Variants in CA4 observed in about 807,000 individuals in gnomAD.
CA4 encodes CA-IV.
CA4 carries 24 observed loss-of-function variants against 34.5 expected under a neutral mutation model. The observed-to-expected ratio is 0.70, with a 90% confidence interval of 0.50 to 0.98. The LOEUF is 0.98. Among genes scored for constraint, CA4 ranks in the 50% least tolerant of loss-of-function variants. The pLI is 0.00. For synonymous variants in CA4, 178 were observed against 170.6 expected, an observed-to-expected ratio of 1.04 and a Z score of -0.34; for missense variants, 394 against 396.7, an observed-to-expected ratio of 0.99 and a Z score of 0.06.
chr17:60,160,195 CG>C (rs1567733709), downstream of CA4, among the ~76,000 whole-genome samples: 1 of 152,168 alleles, frequency 6.6e-6, no homozygotes, highest in African/African-American at 2.4e-5. Context: ...GACTGCATGA[CG>C]GCAGCCCCAG....
At chr17:60,178,489 A>T in the CA4 span, among the ~76,000 whole-genome samples, 1 of 152,178 alleles carries the variant, frequency 6.6e-6, no homozygotes, top group Admixed American at 6.5e-5. Flanking sequence ...TAAATGTAAG[A>T]TGCCTCCACT....
At chr17:60,167,101 G>T (rs1031166846) in intron 5 of CA4, among the ~76,000 whole-genome samples, 1 of 152,198 alleles carries the variant, frequency 6.6e-6, no homozygotes, top group Non-Finnish European at 1.5e-5. Context: ...CTTGTCCCTT[G>T]CCAGCGAATG....
intron 5 of CA4, among the ~76,000 whole-genome samples, chr17:60,169,459 A>G (rs1449174613): frequency 6.6e-6 from 1 of 152,028 alleles, no homozygotes; most frequent in African/African-American, 2.4e-5. Flanking sequence ...CCAAGGGGGT[A>G]CCATCTGGGT....
chr17:60,174,720 A>C (rs1355865151), downstream of CA4, among the ~76,000 whole-genome samples: 1 of 152,186 alleles, frequency 6.6e-6, no homozygotes, highest in African/African-American at 2.4e-5. Flanking sequence ...AATACTAAGG[A>C]AGCCGTTGGT....
Position 60,159,301 on chromosome 17 carries a change from C to G in CA4, c.816C>G (p.Pro272=), listed in dbSNP as rs753677966. ...TGAGCATGAAGGACAATGTCAGGCCCCTGCAGCAGCTGGGGCAGCGCACGG... is the reference window on the plus strand; with the variant it reads ...TGAGCATGAAGGACAATGTCAGGCCGCTGCAGCAGCTGGGGCAGCGCACGG... ...QTVSMKDNVR[P]LQQLGQRTVI... The change falls in exon 8 of 8, where the codon CCC becomes CCG. Residue 272 remains proline (P), a synonymous_variant. Transcript: ENST00000300900. 12 of 1,610,204 alleles carry G rather than the reference C, an allele frequency of 7.5e-6. No homozygotes were observed. The African/African-American group carries it at 1.5e-4, about 20-fold the overall frequency.
chr17:60,164,866 CG>C, intron 5 of CA4, among the ~76,000 whole-genome samples: 1 of 152,184 alleles, frequency 6.6e-6, no homozygotes. Flanking sequence ...CAGAAACATC[CG>C]GGCATGCAGC....
downstream of CA4, among the ~76,000 whole-genome samples, chr17:60,162,258 C>G (rs1258505954): frequency 6.6e-6 from 1 of 152,204 alleles, no homozygotes; most frequent in Non-Finnish European, 1.5e-5. Flanking sequence ...GCCCCCACCT[C>G]CCGAGGCCGC....
intron 2 of CA4, among the ~76,000 whole-genome samples, chr17:60,156,062 C>T (rs927659198): frequency 6.6e-6 from 1 of 152,178 alleles, no homozygotes; most frequent in Non-Finnish European, 1.5e-5. Context: ...AGGGTTACTC[C>T]TCTCCCTCCC....
chr17:60,174,383 T>C (rs575373012), downstream of CA4, among the ~76,000 whole-genome samples: 1 of 150,406 alleles, frequency 6.6e-6, no homozygotes, highest in East Asian at 1.9e-4. Context: ...TATCTGGGTT[T>C]CTGGCTTCTC....
Position 60,157,515 on chromosome 17 carries a change from C to T in CA4, c.357C>T (p.Ser119=), listed in dbSNP as rs765898059. ...CCAAACAGTTGCACCTGCACTGGTC[C>T]GACTTGCCATATAAGGGCTCGGAGC... The part of the protein sequence containing the change: ...YQAKQLHLHW[S]DLPYKGSEHS... Residue 119 remains serine (S), a synonymous_variant, in exon 4 of 8, where the codon TCC becomes TCT. Coordinates refer to ENST00000300900, the MANE Select transcript of CA4 (RefSeq NM_000717.5). The T allele has an allele frequency of 4.0e-5, 64 of 1,614,172 alleles. No individual in the cohort carries two copies. The East Asian group carries it at 1.0e-3, about 26-fold the overall frequency.
downstream of CA4, among the ~76,000 whole-genome samples, chr17:60,160,763 AAAG>A (rs2083778454): frequency 1.3e-5 from 2 of 151,072 alleles, no homozygotes; most frequent in African/African-American, 4.8e-5. Flanking sequence ...AAAAAAAAAA[AAAG>A]AGAGAATTCA....
chr17:60,156,364 TGGA>T (rs1003331499), intron 2 of CA4, among the ~76,000 whole-genome samples, 193 bp from the exon 3 acceptor site: 12 of 151,914 alleles, frequency 7.9e-5, no homozygotes, highest in South Asian at 4.2e-4. Context: ...TATGTTTCTG[TGGA>T]GGAGGAGGAG....
chr17:60,155,253 CTG>C lies in CA4; in HGVS notation c.59-52_59-51del, dbSNP rs1167784864. The C allele has an allele frequency of 1.3e-5, 19 of 1,497,490 alleles. No individual in the cohort carries two copies. In the African/African-American group the frequency reaches 2.2e-4, roughly 17 times the overall value. The allele number at this position is 1,497,490 out of a possible 1,614,324, so 92.8% of individuals were successfully genotyped here. A position where few individuals can be genotyped will look rare whatever the true frequency, so the allele number is the denominator to read the frequency against. On this transcript the variant is annotated intron_variant, in intron 1 of 7. Coordinates refer to ENST00000300900, the MANE Select transcript of CA4 (RefSeq NM_000717.5). ...GGGGTAGGCCCAGCCTCTGATCCTC[CTG>C]TGTGTGTGAGCAACAAGACACACGC...
rs1024641694 is a variant in CA4, at chr17:60,150,045, T to C, written c.11T>C (p.Leu4Pro). 2 of 1,602,268 alleles carry C rather than the reference T, an allele frequency of 1.2e-6. No homozygotes were observed. The highest frequency in any genetic ancestry group is 1.7e-6 in the Non-Finnish European group (2 of 1,179,208). MRM[L>P]LALLALSAAR... ...TTGCTGTCCCGCAAGATGCGGATGC[T>C]GCTGGCGCTCCTGGCCCTCTCCGCG... Residue 4 changes from leucine (L) to proline (P), a missense_variant, in exon 1 of 8, where the codon CTG becomes CCG. By Grantham distance (98) the Leu-to-Pro change is moderately conservative (BLOSUM62 -3). Coordinates refer to ENST00000300900, the MANE Select transcript of CA4 (RefSeq NM_000717.5).
intron 1 of CA4, among the ~76,000 whole-genome samples, chr17:60,153,419 A>C (rs937239883): frequency 6.6e-6 from 1 of 152,238 alleles, no homozygotes; most frequent in Non-Finnish European, 1.5e-5. Flanking sequence ...GTAGCAGAGC[A>C]CATGTCCCCA....
Position 60,156,653 on chromosome 17 carries a change from GCTT to G in CA4, c.215_217del (p.Phe72del), listed in dbSNP as rs765766754. ...GCAAAGGTGGACAAAAAACTGGGAC[GCTT>G]CTTCTTCTCTGGCTACGATAAGAAG... is the stretch of plus-strand genomic sequence containing the variant. On this transcript the variant is annotated inframe_deletion, in exon 3 of 8. Transcript: ENST00000300900. 3.4e-5 allele frequency: 55 copies of G among 1,613,872 alleles called. No homozygotes were observed. The highest frequency in any genetic ancestry group is 9.3e-5 in the African/African-American group (7 of 74,912).
Position 60,157,508 on chromosome 17 carries a change from A to T in CA4, c.350A>T (p.His117Leu). 1 of 1,614,186 alleles carries T rather than the reference A, an allele frequency of 6.2e-7. No individual in the cohort carries two copies. Among genetic ancestry groups the T allele is most frequent in the Non-Finnish European group, 8.5e-7 (1 of 1,180,024 alleles). The change falls in exon 4 of 8, where the codon CAC becomes CTC. Residue 117 changes from histidine (H) to leucine (L), a missense_variant. By Grantham distance (99) the His-to-Leu change is moderately conservative. Transcript: ENST00000300900. The stretch of plus-strand genomic sequence containing the variant: ...TACCAGGCCAAACAGTTGCACCTGC[A>T]CTGGTCCGACTTGCCATATAAGGGC... ...APYQAKQLHL[H>L]WSDLPYKGSE...
chr17:60,177,330 C>T, the CA4 span, among the ~76,000 whole-genome samples: 166 of 152,316 alleles, frequency 1.1e-3, no homozygotes, highest in East Asian at 3.5e-3. Context: ...GTTCATATTT[C>T]GGTACATCAA....
downstream of CA4, among the ~76,000 whole-genome samples, chr17:60,171,513 T>C (rs1207588662): frequency 6.6e-6 from 1 of 152,224 alleles, no homozygotes; most frequent in African/African-American, 2.4e-5. Context: ...GTGGCCATGA[T>C]TTCTAGCAGA....
Sources: allele counts gnomAD v4.1 joint callset (sites outside exome capture counted in the v4.1 genomes callset), GRCh38; gene constraint gnomAD v4.1.1; transcripts MANE v1.5; gene names NCBI Gene and HGNC (gene_info 2026-07-23, HGNC 2026-07-21).